SH3GL2: variants seen among roughly 807,000 people sequenced by gnomAD.
SH3GL2 encodes the protein endophilin-A1.
In SH3GL2, 24 loss-of-function variants were observed where a neutral mutation model predicts 46.0. The ratio of observed to expected loss-of-function variants is 0.52; its 90% CI spans 0.38 to 0.73. The LOEUF is 0.73. SH3GL2 is among the 30% of genes least tolerant of loss of function. The probability of loss-of-function intolerance (pLI) is 0.00; values close to 1 mark genes in which losing one functional copy is unlikely to be tolerated. For missense variants in SH3GL2, 413 were observed against 424.2 expected (o/e 0.97, Z 0.23); for synonymous variants, 196 against 147.1 (o/e 1.33, Z -2.40).
intron 1 of SH3GL2, among the ~76,000 whole-genome samples, chr9:17,587,661 T>C (rs1588157557): frequency 6.6e-6 from 1 of 152,150 alleles, no homozygotes; most frequent in African/African-American, 2.4e-5. Flanking sequence ...GCGGGTCACC[T>C]GAGGCCAGGG....
intron 3 of SH3GL2, among the ~76,000 whole-genome samples, chr9:17,775,230 A>G (rs1823608653): frequency 3.9e-5 from 6 of 152,134 alleles, no homozygotes; most frequent in Admixed American, 3.9e-4. Context: ...TTTTCCAAGA[A>G]CAAACTTTTA....
At chr9:17,709,258 C>T (rs1048422849) in intron 1 of SH3GL2, among the ~76,000 whole-genome samples, 1 of 151,978 alleles carries the variant, frequency 6.6e-6, no homozygotes, top group Non-Finnish European at 1.5e-5. Context: ...ATAAGTCAGT[C>T]CTTTACAATA....
chr9:17,760,618 T>G (rs1302858718), intron 2 of SH3GL2, among the ~76,000 whole-genome samples: 1 of 152,168 alleles, frequency 6.6e-6, no homozygotes, highest in Non-Finnish European at 1.5e-5. Flanking sequence ...ATTTCTACAT[T>G]AAAATTTAAT....
chr9:17,793,423 G>C lies in SH3GL2; in HGVS notation c.785G>C (p.Ser262Thr), dbSNP rs1182267155. 2 of 1,612,454 alleles carry C rather than the reference G, an allele frequency of 1.2e-6. No homozygotes were observed. Among genetic ancestry groups the C allele is most frequent in the African/African-American group, 1.3e-5 (1 of 74,812 alleles). ...RREYQPKPRM[S>T]LEFPTGDSTQ... Reference sequence around the variant, plus strand: ...GAATATCAACCTAAACCACGAATGAGCCTGGAGTTTCCAACTGGAGACAGT... The same window carrying C: ...GAATATCAACCTAAACCACGAATGACCCTGGAGTTTCCAACTGGAGACAGT... Residue 262 changes from serine to threonine, a missense_variant, in exon 8 of 9, where the codon AGC becomes ACC. Transcript: ENST00000380607.
chr9:17,786,001 A>G (rs935050188), intron 3 of SH3GL2, among the ~76,000 whole-genome samples: 15 of 152,162 alleles, frequency 9.9e-5, no homozygotes, highest in Non-Finnish European at 1.9e-4. Context: ...TAAAATTTAG[A>G]GATCATCACA....
intron 1 of SH3GL2, among the ~76,000 whole-genome samples, chr9:17,621,792 A>G (rs565926817): frequency 9.9e-5 from 15 of 152,270 alleles, no homozygotes; most frequent in African/African-American, 3.6e-4. Context: ...CAGGACAAAA[A>G]CAAATTTTAC....
intron 1 of SH3GL2, among the ~76,000 whole-genome samples, chr9:17,707,657 CTTCCTT>C (rs1276888353): frequency 5.3e-5 from 8 of 152,042 alleles, no homozygotes; most frequent in African/African-American, 7.2e-5. Context: ...GTGAAAAACT[CTTCCTT>C]TTCTGGATGA....
At chr9:17,757,217 C>G (rs949449360) in intron 2 of SH3GL2, among the ~76,000 whole-genome samples, 2 of 152,164 alleles carry the variant, frequency 1.3e-5, no homozygotes, top group African/African-American at 4.8e-5. Context: ...AAAACCTAGA[C>G]AATACCATTC....
intron 1 of SH3GL2, among the ~76,000 whole-genome samples, chr9:17,582,406 C>G (rs1032074335): frequency 1.3e-5 from 2 of 152,022 alleles, no homozygotes; most frequent in Admixed American, 1.3e-4. Context: ...TTGTGTTGCT[C>G]TTTTAGTGAG....
At chr9:17,756,828 TG>T (rs1178585611) in intron 2 of SH3GL2, among the ~76,000 whole-genome samples, 3 of 152,266 alleles carry the variant, frequency 2.0e-5, no homozygotes, top group South Asian at 4.1e-4. Context: ...TATAATCCTT[TG>T]GGTATATACC....
chr9:17,692,976 C>T (rs1004315632), intron 1 of SH3GL2, among the ~76,000 whole-genome samples: 2 of 151,996 alleles, frequency 1.3e-5, no homozygotes, highest in Non-Finnish European at 2.9e-5. Flanking sequence ...GGGGAGAGAC[C>T]AGCTATTCAG....
intron 1 of SH3GL2, among the ~76,000 whole-genome samples, chr9:17,678,774 T>G (rs1428403967): frequency 2.0e-5 from 3 of 152,186 alleles, no homozygotes; most frequent in Non-Finnish European, 2.9e-5. Context: ...GGTCTAACAT[T>G]TAAGTCTTTA....
chr9:17,717,791 T>C (rs1422278989), intron 1 of SH3GL2, among the ~76,000 whole-genome samples: 1 of 103,802 alleles, frequency 9.6e-6, no homozygotes, highest in East Asian at 3.1e-4. Context: ...GGACTGTATG[T>C]TTGATTATGT....
At position 17,747,140 on chromosome 9, in the gene SH3GL2, C is replaced by A. The variant is rs935953198; in HGVS notation, c.114+6C>A. 1 of 1,579,838 alleles carries A rather than the reference C, an allele frequency of 6.3e-7. No individual in the cohort carries two copies. The highest frequency in any genetic ancestry group is 8.7e-7 in the Non-Finnish European group (1 of 1,149,814). On this transcript the variant is annotated splice_donor_region_variant and intron_variant, in intron 2 of 8. Transcript: ENST00000380607. ...ACTTCAAAGAGATGGAAAGGGTAAG[C>A]CTTCACTACTGCCTAGTGTTCCCTT...
At chr9:17,619,688 T>A (rs796912451) in intron 1 of SH3GL2, among the ~76,000 whole-genome samples, 2,746 of 144,662 alleles carry the variant, frequency 0.019, 94 homozygotes, top group African/African-American at 0.072. Flanking sequence ...AAAAAAAAAA[T>A]AAAATAAAAT....
chr9:17,617,661 A>G (rs1429406427), intron 1 of SH3GL2, among the ~76,000 whole-genome samples: 2 of 152,186 alleles, frequency 1.3e-5, no homozygotes, highest in South Asian at 2.1e-4. Context: ...ATGTTGACCT[A>G]TGTGATTACT....
chr9:17,790,531 A>T (rs775658703), intron 6 of SH3GL2: 15 of 380,144 alleles, frequency 3.9e-5, no homozygotes, highest in Non-Finnish European at 5.0e-5. Flanking sequence ...TACTGTGTGC[A>T]TGAGGGGTGC....
chr9:17,589,625 A>T (rs1588159122), intron 1 of SH3GL2: 1 of 152,220 alleles, frequency 6.6e-6, no homozygotes, highest in Non-Finnish European at 1.5e-5. Context: ...AGAGTAGAGG[A>T]GTTGACTGTT....
At chr9:17,582,016 C>A (rs748105764) in intron 1 of SH3GL2, among the ~76,000 whole-genome samples, 11 of 152,248 alleles carry the variant, frequency 7.2e-5, no homozygotes, top group African/African-American at 1.9e-4. Context: ...AGTCTGTTCA[C>A]GCAAACGTTT....
Sources: allele counts gnomAD v4.1 joint callset (sites outside exome capture counted in the v4.1 genomes callset), GRCh38; gene constraint gnomAD v4.1.1; transcripts MANE v1.5; gene names NCBI Gene and HGNC (gene_info 2026-07-23, HGNC 2026-07-21).